GLI2: variants seen among roughly 807,000 people sequenced by gnomAD.
GLI2 encodes GLI family zinc finger 2, also known as transcription activator GLI2.
GLI2 carries 22 observed loss-of-function variants against 78.9 expected under a neutral mutation model. The ratio of observed to expected loss-of-function variants is 0.28; its 90% CI spans 0.20 to 0.40. The LOEUF is 0.40. GLI2 is among the 10% of genes least tolerant of loss of function. The probability of loss-of-function intolerance (pLI) is 1.00; values close to 1 mark genes in which losing one functional copy is unlikely to be tolerated. For synonymous variants in GLI2, 974 were observed against 963.7 expected (o/e 1.01, Z -0.20); for missense variants, 2,097 against 2,213.2 (o/e 0.95, Z 1.05).
chr2:120,836,065 A>G (rs1162625921), intron 2 of GLI2, among the ~76,000 whole-genome samples: 1 of 152,154 alleles, frequency 6.6e-6, no homozygotes, highest in Non-Finnish European at 1.5e-5. Flanking sequence ...ATTTTAACCT[A>G]TGTCAGTGAT....
At chr2:120,850,108 A>G (rs985741710) in intron 2 of GLI2, among the ~76,000 whole-genome samples, 1 of 152,176 alleles carries the variant, frequency 6.6e-6, no homozygotes, top group African/African-American at 2.4e-5. Flanking sequence ...TGAAACAGAA[A>G]ACAGACGGGA....
intron 2 of GLI2, among the ~76,000 whole-genome samples, chr2:120,878,092 G>A (rs1688850872): frequency 6.6e-6 from 1 of 152,174 alleles, no homozygotes. Flanking sequence ...CTGAGCCTGG[G>A]TCCCTGATGA....
intron 2 of GLI2, among the ~76,000 whole-genome samples, chr2:120,811,040 C>A (rs1322408287): frequency 6.6e-6 from 1 of 152,206 alleles, no homozygotes; most frequent in Non-Finnish European, 1.5e-5. Flanking sequence ...TGTGAACCAT[C>A]CACTGTGACC....
At chr2:120,770,358 C>T (rs1340361276) in intron 1 of GLI2, among the ~76,000 whole-genome samples, 1 of 152,180 alleles carries the variant, frequency 6.6e-6, no homozygotes, top group African/African-American at 2.4e-5. Flanking sequence ...AGCACGGGGC[C>T]CAGCTTCAGG....
At chr2:120,794,727 G>C (rs1293342866) in intron 1 of GLI2, among the ~76,000 whole-genome samples, 3 of 152,152 alleles carry the variant, frequency 2.0e-5, no homozygotes, top group African/African-American at 7.2e-5. Flanking sequence ...AGGAACAGCA[G>C]GCACGAACCA....
chr2:120,892,676 C>T lies in GLI2; in HGVS notation c.149-34685C>T, dbSNP rs75739987. ...TTAACACTGATAATCAGTAACCCTA[C>T]TTAACAAATGTCTATGGCAGAACTG... On this transcript the variant is annotated intron_variant, in intron 2 of 13. Coordinates refer to ENST00000361492, the MANE Select transcript of GLI2 (RefSeq NM_001374353.1). Among the ~76,000 whole-genome samples, 291 of 152,346 alleles carry T rather than the reference C, an allele frequency of 1.9e-3. 3 individuals carry two copies. The highest frequency in any genetic ancestry group is 6.4e-3 in the East Asian group (33 of 5,188).
intron 2 of GLI2, among the ~76,000 whole-genome samples, chr2:120,817,493 C>T (rs1441220316): frequency 2.0e-5 from 3 of 152,174 alleles, no homozygotes; most frequent in Non-Finnish European, 4.4e-5. Flanking sequence ...CCTCCTCTTA[C>T]AGTCTCATCA....
At chr2:120,913,745 TGCTTGTCCAGGTG>T (rs1367774738) in intron 2 of GLI2, among the ~76,000 whole-genome samples, 2 of 152,228 alleles carry the variant, frequency 1.3e-5, no homozygotes, top group Non-Finnish European at 2.9e-5. Flanking sequence ...AGTGCTCGTT[TGCTTGTCCAGGTG>T]GCTGATTCCG....
At chr2:120,784,061 G>A (rs1683923631) in intron 1 of GLI2, among the ~76,000 whole-genome samples, 1 of 152,224 alleles carries the variant, frequency 6.6e-6, no homozygotes, top group Non-Finnish European at 1.5e-5. Context: ...GCAGCCACTG[G>A]GGGACATGGT....
intron 1 of GLI2, among the ~76,000 whole-genome samples, chr2:120,756,390 A>G (rs1314612912): frequency 3.9e-5 from 6 of 152,132 alleles, no homozygotes. Flanking sequence ...GTTTATTTAT[A>G]TTGCTTTTAT....
chr2:120,820,634 C>A (rs1465783754), intron 2 of GLI2, among the ~76,000 whole-genome samples: 1 of 152,180 alleles, frequency 6.6e-6, no homozygotes, highest in Non-Finnish European at 1.5e-5. Flanking sequence ...AGTGTGTGGA[C>A]GTGTGTGCAC....
intron 2 of GLI2, among the ~76,000 whole-genome samples, chr2:120,819,747 A>G (rs1685675366): frequency 6.6e-6 from 1 of 152,198 alleles, no homozygotes; most frequent in Admixed American, 6.5e-5. Context: ...ATGCTGGGGC[A>G]AATACCCCAC....
intron 1 of GLI2, among the ~76,000 whole-genome samples, chr2:120,767,381 G>A (rs1175125052): frequency 6.6e-6 from 1 of 152,096 alleles, no homozygotes; most frequent in African/African-American, 2.4e-5. Context: ...CGGGTGGCAA[G>A]CATGTTCAGT....
chr2:120,735,943 T>G lies in GLI2; in HGVS notation c.-373T>G, dbSNP rs924520733. Among the ~76,000 whole-genome samples the G allele has an allele frequency of 1.3e-5, 2 of 151,574 alleles. No individual in the cohort carries two copies. Among genetic ancestry groups the G allele is most frequent in the Non-Finnish European group, 2.9e-5 (2 of 67,832 alleles). Reference sequence around the variant, plus strand: ...CCGCGGACTTTTTTTCAAACTCCCATCAATGAGACTTCGAGGAGGAGCGGG... The same window carrying G: ...CCGCGGACTTTTTTTCAAACTCCCAGCAATGAGACTTCGAGGAGGAGCGGG... On this transcript the variant is annotated 5_prime_UTR_variant, in exon 1 of 14. Transcript: ENST00000361492.
intron 2 of GLI2, among the ~76,000 whole-genome samples, chr2:120,828,208 A>T (rs1686181890): frequency 6.6e-6 from 1 of 152,210 alleles, no homozygotes; most frequent in Non-Finnish European, 1.5e-5. Flanking sequence ...CTCTTTATGC[A>T]TGAGAGCAGC....
rs183782085 is a variant in GLI2 at position 120,986,324 on chromosome 2, C to T, written c.1952C>T (p.Pro651Leu). 2 of 1,613,538 alleles carry T rather than the reference C, an allele frequency of 1.2e-6. No homozygotes were observed. Among genetic ancestry groups the T allele is most frequent in the South Asian group, 1.1e-5 (1 of 91,084 alleles). Residue 651 changes from proline (P) to leucine (L), a missense_variant, in exon 13 of 14, where the codon CCC becomes CTC. Physicochemically the swap from Pro to Leu is moderately conservative, Grantham distance 98. Around this residue, in one of 5 missense-constraint regions of GLI2, gnomAD observed 68 missense variants for 104.4 expected, o/e 0.65. Transcript: ENST00000361492. ...PGAQSSCSSE[P>L]SPLGSAPNND... ...GCCCAGTCGTCCTGCAGCAGCGAGC[C>T]CTCTCCTCTGGGCAGTGCCCCCAAC...
At chr2:120,833,981 C>A (rs1429726428) in intron 2 of GLI2, among the ~76,000 whole-genome samples, 2 of 152,182 alleles carry the variant, frequency 1.3e-5, no homozygotes, top group Non-Finnish European at 2.9e-5. Context: ...TCACAGCACA[C>A]TGGCCTAACT....
intron 2 of GLI2, among the ~76,000 whole-genome samples, chr2:120,883,461 C>T (rs1249730051): frequency 6.6e-6 from 1 of 152,130 alleles, no homozygotes; most frequent in Non-Finnish European, 1.5e-5. Context: ...CACCCCAGCC[C>T]AGGTGACAGA....
chr2:120,813,878 G>A (rs1320207279), intron 2 of GLI2, among the ~76,000 whole-genome samples: 1 of 152,226 alleles, frequency 6.6e-6, no homozygotes, highest in Middle Eastern at 3.2e-3. Flanking sequence ...TGGTGTCTTA[G>A]TTATCATTCT....
Sources: gnomAD v4.1 joint callset for allele counts (sites outside exome capture counted in the v4.1 genomes callset) on GRCh38, gnomAD v4.1.1 for gene constraint, gnomAD v4.1.1 regional missense constraint, MANE v1.5 for transcripts, NCBI Gene and HGNC (gene_info 2026-07-23, HGNC 2026-07-21) for gene names.